The following TBL1X variants were observed in gnomAD, a reference collection of about 807,000 sequenced individuals.
TBL1X encodes the protein F-box-like/WD repeat-containing protein TBL1X.
In TBL1X, 10 loss-of-function variants were observed where a neutral mutation model predicts 50.7. The ratio of observed to expected loss-of-function variants is 0.20; its 90% CI spans 0.12 to 0.33. The LOEUF is 0.33. TBL1X is among the 10% of genes least tolerant of loss of function. TBL1X has a pLI of 1.00. For synonymous variants in TBL1X, 190 were observed against 214.7 expected, an observed-to-expected ratio of 0.88 and a Z score of 1.01; for missense variants, 340 against 504.4, an observed-to-expected ratio of 0.67 and a Z score of 3.12.
intron 2 of TBL1X, among the ~76,000 whole-genome samples, chrX:9,525,933 G>T (rs1645853577): frequency 9.0e-6 from 1 of 111,406 alleles, no homozygotes; most frequent in African/African-American, 3.3e-5. Flanking sequence ...TTGCCTGAAA[G>T]GCTTGAGTGC....
Position 9,546,803 on chromosome X carries a change from A to ATTT in TBL1X, c.-131+44985_-131+44987dup, listed in dbSNP as rs774181046. 7.5e-3 allele frequency among the ~76,000 whole-genome samples: 337 copies of ATTT among 44,992 alleles called. 46 individuals carry two copies. Among genetic ancestry groups the ATTT allele is most frequent in the Admixed American group, 0.02 (52 of 2,566 alleles). 39.1% of individuals were successfully genotyped at this position (44,992 alleles called of 115,157 possible). A position where few individuals can be genotyped will look rare whatever the true frequency, so the allele number is the denominator to read the frequency against. ...ATCACTATGGATTCATTTATTCTTA[A>ATTT]TTTTTTTTTTTTTTTTTTTTTTTTT... On this transcript the variant is annotated intron_variant, in intron 2 of 17. Transcript: ENST00000645353.
chrX:9,666,640 G>A (rs1033169052), intron 5 of TBL1X, among the ~76,000 whole-genome samples: 2 of 111,653 alleles, frequency 1.8e-5, no homozygotes, highest in Admixed American at 1.9e-4. Context: ...ATAATTGTTT[G>A]ACTTGTCTGT....
chrX:9,702,307 T>G (rs2083178734), intron 12 of TBL1X, among the ~76,000 whole-genome samples: 1 of 108,728 alleles, frequency 9.2e-6, no homozygotes. Flanking sequence ...CCAGGCTTGG[T>G]GGCGTGCACC....
chrX:9,711,891 C>T, intron 16 of TBL1X, 115 bp downstream of exon 16: 1 of 845,987 alleles, frequency 1.2e-6, no homozygotes, highest in African/African-American at 2.1e-5. Flanking sequence ...AGCTCAGGCT[C>T]CCCGGGCAGA....
chrX:9,507,908 G>T (rs888196752), intron 2 of TBL1X, among the ~76,000 whole-genome samples: 1 of 111,981 alleles, frequency 8.9e-6, no homozygotes, highest in Non-Finnish European at 1.9e-5. Flanking sequence ...AACTGAAACT[G>T]GACCCCTTCC....
intron 9 of TBL1X, among the ~76,000 whole-genome samples, chrX:9,692,624 T>C (rs773419143): frequency 2.8e-4 from 31 of 112,587 alleles, no homozygotes; most frequent in South Asian, 1.5e-3. Flanking sequence ...GCCAGGCTGC[T>C]CTCGCACTCC....
rs189416399 is a variant in TBL1X at position 9,700,249 on chromosome X, G to C, written c.1114+2820G>C. ...ACAGCCCTAGACACGCAGACCCCGG[G>C]GGGTGAGGCAGGGATGTCTAATGCA... On this transcript the variant is annotated intron_variant, in intron 12 of 17. Coordinates refer to ENST00000645353, the MANE Select transcript of TBL1X (RefSeq NM_005647.4). Among the ~76,000 whole-genome samples the C allele has an allele frequency of 2.3e-4, 26 of 112,542 alleles. No individual in the cohort carries two copies. In the East Asian group the frequency reaches 7.0e-3, roughly 30 times the overall value.
chrX:9,533,040 G>A (rs1240230794), intron 2 of TBL1X, among the ~76,000 whole-genome samples: 1 of 111,873 alleles, frequency 8.9e-6, no homozygotes. Flanking sequence ...AGTGATGAAA[G>A]TGTTCTGGAA....
At chrX:9,574,341 C>CTACTCA (rs2147013137) in intron 2 of TBL1X, among the ~76,000 whole-genome samples, 1 of 107,708 alleles carries the variant, frequency 9.3e-6, no homozygotes, top group East Asian at 2.9e-4. Flanking sequence ...GTAGTCCCAG[C>CTACTCA]TACTCAGGAG....
chrX:9,698,835 G>T (rs2083150300), intron 12 of TBL1X, among the ~76,000 whole-genome samples: 1 of 112,157 alleles, frequency 8.9e-6, no homozygotes, highest in Admixed American at 9.4e-5. Flanking sequence ...TTCCTACACA[G>T]ATGTGTGGCC....
intron 2 of TBL1X, among the ~76,000 whole-genome samples, chrX:9,618,031 C>G (rs1194662194): frequency 9.0e-6 from 1 of 111,687 alleles, no homozygotes; most frequent in Non-Finnish European, 1.9e-5. Flanking sequence ...CTGAAAATGT[C>G]TCCAGATATT....
intron 1 of TBL1X, among the ~76,000 whole-genome samples, chrX:9,494,017 C>G (rs893284205): frequency 3.6e-5 from 4 of 111,384 alleles, no homozygotes; most frequent in African/African-American, 1.3e-4. Flanking sequence ...TAGCACCACA[C>G]TGTGATTCAT....
chrX:9,613,650 A>G (rs1034165714), intron 2 of TBL1X, among the ~76,000 whole-genome samples: 1 of 111,835 alleles, frequency 8.9e-6, no homozygotes, highest in Admixed American at 9.5e-5. Context: ...AGTTGAAATG[A>G]TACTATTTTG....
chrX:9,666,434 A>T (rs141079595), intron 5 of TBL1X, among the ~76,000 whole-genome samples: 6,450 of 110,745 alleles, frequency 0.058, 215 homozygotes, highest in Middle Eastern at 0.13. Context: ...AAAAAGTGCT[A>T]AAAAAAAATT....
intron 16 of TBL1X, among the ~76,000 whole-genome samples, chrX:9,713,956 C>T (rs903446689): frequency 5.4e-5 from 6 of 110,478 alleles, no homozygotes; most frequent in Non-Finnish European, 7.6e-5. Context: ...AAGGCTTATT[C>T]GACTCTTTCT....
chrX:9,511,436 T>C (rs954756326), intron 2 of TBL1X, among the ~76,000 whole-genome samples: 4 of 112,120 alleles, frequency 3.6e-5, no homozygotes, highest in African/African-American at 1.3e-4. Context: ...TGTAACCACC[T>C]GAGACGCAAG....
intron 2 of TBL1X, among the ~76,000 whole-genome samples, chrX:9,608,820 T>C (rs1396463524): frequency 8.9e-6 from 1 of 112,135 alleles, no homozygotes; most frequent in East Asian, 2.8e-4. Context: ...CAGACCCAGG[T>C]AGGCAGCTGA....
At chrX:9,709,492 A>G in intron 14 of TBL1X, 141 bp from the exon 15 acceptor site, 2 of 1,004,703 alleles carry the variant, frequency 2.0e-6, no homozygotes, top group East Asian at 6.5e-5. Context: ...TGAGAATCGC[A>G]GCCTCCCTGC....
intron 1 of TBL1X, among the ~76,000 whole-genome samples, chrX:9,496,754 G>A (rs1342502824): frequency 8.9e-6 from 1 of 111,878 alleles, no homozygotes; most frequent in Non-Finnish European, 1.9e-5. Flanking sequence ...TCACCTGGTT[G>A]ATTGGATCAG....
Sources: gnomAD v4.1 joint callset for allele counts (sites outside exome capture counted in the v4.1 genomes callset) on GRCh38, gnomAD v4.1.1 for gene constraint, MANE v1.5 for transcripts, NCBI Gene and HGNC (gene_info 2026-07-23, HGNC 2026-07-21) for gene names.